The following TIMP2 variants were observed in gnomAD, a reference collection of about 807,000 sequenced individuals.
TIMP2 encodes metalloproteinase inhibitor 2.
TIMP2 carries 5 observed loss-of-function variants against 24.3 expected under a neutral mutation model. That is an observed-to-expected ratio of 0.21 (90% CI 0.11 to 0.43). TIMP2 has a LOEUF of 0.43. TIMP2 is among the 20% of genes least tolerant of loss of function. The pLI is 1.00. For missense variants in TIMP2, 221 were observed against 297.5 expected, an observed-to-expected ratio of 0.74 and a Z score of 1.89; for synonymous variants, 130 against 123.2, an observed-to-expected ratio of 1.06 and a Z score of -0.37.
At chr17:78,872,953 CA>C (rs2069698148) in intron 2 of TIMP2, among the ~76,000 whole-genome samples, 1 of 152,062 alleles carries the variant, frequency 6.6e-6, no homozygotes, top group East Asian at 1.9e-4. Flanking sequence ...CTCAGCCTCC[CA>C]AGTAGCTGGG....
chr17:78,890,100 A>G (rs1354789049), intron 1 of TIMP2, among the ~76,000 whole-genome samples: 1 of 151,762 alleles, frequency 6.6e-6, no homozygotes, highest in East Asian at 1.9e-4. Context: ...TGGGCAACAG[A>G]GCAAGACTCC....
At chr17:78,893,626 GGTGT>G (rs1599163219) in intron 1 of TIMP2, among the ~76,000 whole-genome samples, 1 of 151,820 alleles carries the variant, frequency 6.6e-6, no homozygotes, top group African/African-American at 2.4e-5. Context: ...TGTGCATGTC[GGTGT>G]GTGTATGTGT....
At chr17:78,915,204 G>A (rs551630178) in intron 1 of TIMP2, among the ~76,000 whole-genome samples, 3 of 152,056 alleles carry the variant, frequency 2.0e-5, no homozygotes, top group Non-Finnish European at 4.4e-5. Flanking sequence ...GCCCAGTCTG[G>A]GCTTTTGAAA....
chr17:78,871,712 G>T (rs979730650), intron 2 of TIMP2, among the ~76,000 whole-genome samples: 4 of 151,868 alleles, frequency 2.6e-5, no homozygotes, highest in African/African-American at 9.7e-5. Flanking sequence ...TGGGCGTGGT[G>T]GCGGGCGCCT....
intron 1 of TIMP2, chr17:78,892,627 T>C: frequency 3.0e-6 from 3 of 1,015,882 alleles, no homozygotes; most frequent in Non-Finnish European, 4.2e-6. Context: ...GCCTCCCAAT[T>C]TCTGTCCTGT....
chr17:78,860,353 AAGTTTC>A (rs1331301987), intron 3 of TIMP2, among the ~76,000 whole-genome samples: 1 of 152,180 alleles, frequency 6.6e-6, no homozygotes, highest in Non-Finnish European at 1.5e-5. Flanking sequence ...TTGTTTGACA[AAGTTTC>A]AGCGCATCTG....
Position 78,893,285 on chromosome 17 carries a change from G to T in TIMP2, c.131-19366C>A, listed in dbSNP as rs569797507. ...GGGGTGTGTGTGTAGGGGTGTGCGG[G>T]CAAGGGTGTGTGTGCAGGGGTGTAT... On this transcript the variant is annotated intron_variant, in intron 1 of 4. Coordinates refer to ENST00000262768, the MANE Select transcript of TIMP2 (RefSeq NM_003255.5). Among the ~76,000 whole-genome samples the T allele has an allele frequency of 6.9e-5, 10 of 144,286 alleles. No homozygotes were observed. The East Asian group carries it at 2.0e-3, about 29-fold the overall frequency. The allele number at this position is 144,286 out of a possible 152,430, so 94.7% of individuals were successfully genotyped here. A position where few individuals can be genotyped will look rare whatever the true frequency, so the allele number is the denominator to read the frequency against.
intron 3 of TIMP2, among the ~76,000 whole-genome samples, chr17:78,864,978 T>TG (rs1410518245): frequency 6.6e-6 from 1 of 151,794 alleles, no homozygotes; most frequent in Non-Finnish European, 1.5e-5. Context: ...TGCTTGAACC[T>TG]GGGGGGCGGA....
Position 78,891,582 on chromosome 17 carries a change from G to A in TIMP2, c.131-17663C>T. On this transcript the variant is annotated intron_variant, in intron 1 of 4. Transcript: ENST00000262768. The surrounding 1 kb of genome is among the most constrained non-coding windows in gnomAD (Gnocchi z 4.5). ...GAATCAGCTGGCCACAGCTGCCCGA[G>A]GTCTCTCAGCTTCCCCTCCAGACTC... 6.4e-7 allele frequency: 1 copy of A among 1,550,830 alleles called. No individual in the cohort carries two copies. Among genetic ancestry groups the A allele is most frequent in the Non-Finnish European group, 8.7e-7 (1 of 1,147,054 alleles).
chr17:78,889,025 C>CAGATGCCGCTCACCACCTAT (rs1385260775), intron 1 of TIMP2, among the ~76,000 whole-genome samples: 1 of 152,154 alleles, frequency 6.6e-6, no homozygotes, highest in Non-Finnish European at 1.5e-5. Context: ...GCACAAAGGG[C>CAGATGCCGCTCACCACCTAT]AGATGCCGCT....
At chr17:78,863,583 G>A (rs1457593458) in intron 3 of TIMP2, among the ~76,000 whole-genome samples, 4 of 152,108 alleles carry the variant, frequency 2.6e-5, no homozygotes, top group African/African-American at 9.7e-5. Context: ...ATCTTTCAAT[G>A]TCAGCTTTCT....
At chr17:78,906,543 G>T (rs950972013) in intron 1 of TIMP2, among the ~76,000 whole-genome samples, 2 of 151,908 alleles carry the variant, frequency 1.3e-5, no homozygotes, top group African/African-American at 4.8e-5. Context: ...TGAAGATTGG[G>T]GTTGGCTGTG....
chr17:78,894,781 C>T (rs1310153187), intron 1 of TIMP2, among the ~76,000 whole-genome samples: 3 of 151,076 alleles, frequency 2.0e-5, no homozygotes, highest in African/African-American at 4.9e-5. Context: ...AACCAATAAA[C>T]AAAGAAACGG....
At chr17:78,869,637 C>T (rs2069656038) in intron 3 of TIMP2, among the ~76,000 whole-genome samples, 1 of 151,750 alleles carries the variant, frequency 6.6e-6, no homozygotes. Context: ...GTGGTGAAAC[C>T]CTGTCTGTAC....
Position 78,874,453 on chromosome 17 carries a change from G to T in TIMP2, c.131-534C>A, listed in dbSNP as rs74002606. 2.1e-3 allele frequency among the ~76,000 whole-genome samples: 318 copies of T among 152,284 alleles called. 3 individuals carry two copies. Among genetic ancestry groups the T allele is most frequent in the African/African-American group, 7.1e-3 (294 of 41,554 alleles). ...CTTTTCTGGGCTGAGGGCAGAGGGG[G>T]AGTTATCCACCTTAAAGGGGCCTTA... On this transcript the variant is annotated intron_variant, in intron 1 of 4. Transcript: ENST00000262768.
intron 1 of TIMP2, chr17:78,901,909 G>A (rs2070099485): frequency 1.6e-6 from 1 of 627,148 alleles, no homozygotes. Context: ...GACTTTGTAG[G>A]TAGTGAGACG....
chr17:78,858,409 C>T (rs933428964), intron 3 of TIMP2, among the ~76,000 whole-genome samples: 1 of 151,812 alleles, frequency 6.6e-6, no homozygotes, highest in Non-Finnish European at 1.5e-5. Context: ...TGCCACTGCA[C>T]TCCAGCCTGG....
chr17:78,854,921 C>CGGGGGGGGGGGTGGG lies in TIMP2; in HGVS notation c.*745_*746insCCCACCCCCCCCCCC, dbSNP rs2069511586. On this transcript the variant is annotated 3_prime_UTR_variant, in exon 5 of 5. Transcript: ENST00000262768. ...TCCTGCAAGCTGGGGAGCATGTGGG[C>CGGGGGGGGGGGTGGG]GGGGGGGGGGGGGTGGGGGGGTGGG... The CGGGGGGGGGGGTGGG allele has an allele frequency of 2.6e-5, 1 of 39,090 alleles. No homozygotes were observed. The highest frequency in any genetic ancestry group is 9.8e-5 in the African/African-American group (1 of 10,256). 2.4% of individuals were successfully genotyped at this position (39,090 alleles called of 1,614,324 possible).
chr17:78,900,424 A>T (rs1329069825), intron 1 of TIMP2, among the ~76,000 whole-genome samples: 1 of 152,116 alleles, frequency 6.6e-6, no homozygotes, highest in Admixed American at 6.6e-5. Context: ...ATATGCCTGT[A>T]ATCCCAGCTA....
Sources: allele counts gnomAD v4.1 joint callset (sites outside exome capture counted in the v4.1 genomes callset), GRCh38; gene constraint gnomAD v4.1.1; non-coding constraint Gnocchi (gnomAD v3.1); transcripts MANE v1.5; gene names NCBI Gene and HGNC (gene_info 2026-07-23, HGNC 2026-07-21).